KCNMA1: variants seen among roughly 807,000 people sequenced by gnomAD.
KCNMA1 encodes the protein potassium calcium-activated channel subfamily M alpha 1.
KCNMA1 carries 29 observed loss-of-function variants against 140.0 expected under a neutral mutation model. The observed-to-expected ratio is 0.21, with a 90% CI of 0.15 to 0.28. The LOEUF is 0.28. Among genes scored for constraint, KCNMA1 ranks in the 10% least tolerant of loss-of-function variants. The pLI is 1.00. For synonymous variants in KCNMA1, 612 were observed against 611.9 expected, an observed-to-expected ratio of 1.00 and a Z score of 0.00; for missense variants, 880 against 1,602.2, an observed-to-expected ratio of 0.55 and a Z score of 7.70.
intron 1 of KCNMA1, among the ~76,000 whole-genome samples, chr10:77,569,657 A>G (rs1261547390): frequency 1.3e-5 from 2 of 152,224 alleles, no homozygotes; most frequent in Admixed American, 1.3e-4. Context: ...AGGCATTACC[A>G]TTCAGGACAT....
At chr10:77,522,881 T>A (rs1004348487) in intron 1 of KCNMA1, among the ~76,000 whole-genome samples, 1 of 152,214 alleles carries the variant, frequency 6.6e-6, no homozygotes, top group Non-Finnish European at 1.5e-5. Flanking sequence ...GTAAGCTTCA[T>A]ACATTAAATA....
In KCNMA1 at chr10:77,376,948, A is replaced by AATAAATACATACATACATACATAC. The variant is rs139166652; in HGVS notation, c.540+26913_540+26914insGTATGTATGTATGTATGTATTTAT. Among the ~76,000 whole-genome samples, 6 of 148,430 alleles carry AATAAATACATACATACATACATAC rather than the reference A, an allele frequency of 4.0e-5. No homozygotes were observed. In the South Asian group the frequency reaches 6.6e-4, roughly 16 times the overall value. ...GCAAGATTCCCTCTCAAAATAAATA[A>AATAAATACATACATACATACATAC]ATACATACATACATACATACATACA... is the stretch of plus-strand genomic sequence containing the variant. On this transcript the variant is annotated intron_variant, in intron 2 of 27. Transcript: ENST00000286628.
chr10:77,470,824 G>A (rs1379206623), intron 1 of KCNMA1, among the ~76,000 whole-genome samples: 1 of 152,142 alleles, frequency 6.6e-6, no homozygotes, highest in Non-Finnish European at 1.5e-5. Context: ...CTAGGCATTT[G>A]TTTTGTCCAA....
intron 1 of KCNMA1, among the ~76,000 whole-genome samples, chr10:77,481,946 T>C (rs1428940956): frequency 2.0e-5 from 3 of 152,136 alleles, no homozygotes; most frequent in African/African-American, 4.8e-5. Flanking sequence ...AGACAGTGGG[T>C]GAGGAAACAT....
chr10:77,254,804 G>C (rs1176041897), intron 2 of KCNMA1, among the ~76,000 whole-genome samples: 8 of 152,186 alleles, frequency 5.3e-5, no homozygotes, highest in African/African-American at 1.4e-4. Flanking sequence ...ATAGTTTCAG[G>C]GACAAGGAGG....
intron 3 of KCNMA1, among the ~76,000 whole-genome samples, chr10:77,234,655 G>A (rs529178810): frequency 6.6e-6 from 1 of 152,306 alleles, no homozygotes; most frequent in South Asian, 2.1e-4. Context: ...CATGTCCTAT[G>A]TGCTGTATTA....
intron 1 of KCNMA1, among the ~76,000 whole-genome samples, chr10:77,461,019 T>G (rs1041507162): frequency 2.0e-5 from 3 of 152,002 alleles, no homozygotes; most frequent in Non-Finnish European, 4.4e-5. Flanking sequence ...GGCAGGAGAA[T>G]TACTTGAACA....
intron 5 of KCNMA1, among the ~76,000 whole-genome samples, chr10:77,126,147 A>T (rs1349977947): frequency 6.6e-6 from 1 of 152,116 alleles, no homozygotes; most frequent in Non-Finnish European, 1.5e-5. Context: ...TTATTCTATA[A>T]AATCTCTGAA....
intron 5 of KCNMA1, among the ~76,000 whole-genome samples, chr10:77,135,353 G>A (rs936959746): frequency 1.3e-5 from 2 of 152,178 alleles, no homozygotes; most frequent in Middle Eastern, 3.2e-3. Context: ...AAGTGTTGGT[G>A]AGGATGTGGG....
At chr10:77,364,664 T>C (rs547363299) in intron 2 of KCNMA1, among the ~76,000 whole-genome samples, 1 of 152,176 alleles carries the variant, frequency 6.6e-6, no homozygotes, top group South Asian at 2.1e-4. Flanking sequence ...GCTCATAACT[T>C]CTCACTTTTC....
At chr10:77,012,618 G>T in intron 17 of KCNMA1, 1 of 1,335,470 alleles carries the variant, frequency 7.5e-7, no homozygotes, top group Non-Finnish European at 1.0e-6. Context: ...ACCCCCTCTG[G>T]AGTTTCACAG....
intron 1 of KCNMA1, among the ~76,000 whole-genome samples, chr10:77,405,598 A>ATTCG (rs2096445569): frequency 7.3e-5 from 1 of 13,778 alleles, no homozygotes; most frequent in Non-Finnish European, 1.4e-4. Flanking sequence ...CTAAAACCTT[A>ATTCG]TTATTTATCT....
chr10:77,635,812 C>G (rs1442775456), intron 1 of KCNMA1: 1 of 152,542 alleles, frequency 6.6e-6, no homozygotes. Context: ...ATATTTCTCC[C>G]TTTGTTCCAA....
intron 3 of KCNMA1, among the ~76,000 whole-genome samples, chr10:77,222,003 G>GACC (rs1456511759): frequency 7.4e-6 from 1 of 134,386 alleles, no homozygotes; most frequent in Non-Finnish European, 1.7e-5. Context: ...GTAAAATGGT[G>GACC]ATCATAACTC....
chr10:77,613,970 G>A (rs111559257), intron 1 of KCNMA1, among the ~76,000 whole-genome samples: 1,715 of 152,308 alleles, frequency 0.011, 12 homozygotes, highest in Non-Finnish European at 0.018. Flanking sequence ...AGAGGCTTCA[G>A]GAGCCCTGTG....
intron 2 of KCNMA1, among the ~76,000 whole-genome samples, chr10:77,297,218 T>C (rs890200395): frequency 3.3e-5 from 5 of 152,164 alleles, no homozygotes; most frequent in Non-Finnish European, 5.9e-5. Context: ...TCCCACTGTC[T>C]CTTGTCCCAA....
chr10:77,047,655 G>A (rs955679068), intron 14 of KCNMA1, among the ~76,000 whole-genome samples: 2 of 143,902 alleles, frequency 1.4e-5, no homozygotes, highest in Non-Finnish European at 3.0e-5. Flanking sequence ...CTCCAATATA[G>A]AAAAGGTGTT....
intron 2 of KCNMA1, among the ~76,000 whole-genome samples, chr10:77,252,614 CCACACACA>C (rs537358065): frequency 1.4e-5 from 2 of 147,756 alleles, no homozygotes. Flanking sequence ...TTACACCCAC[CCACACACA>C]CACACACTCC....
rs535662890 is a variant in KCNMA1 at position 77,390,292 on chromosome 10, A to G, written c.540+13570T>C. Among the ~76,000 whole-genome samples the G allele has an allele frequency of 1.2e-4, 18 of 152,338 alleles. No individual in the cohort carries two copies. In the East Asian group the frequency reaches 3.1e-3, roughly 26 times the overall value. On this transcript the variant is annotated intron_variant, in intron 2 of 27. Coordinates refer to ENST00000286628, the MANE Select transcript of KCNMA1 (RefSeq NM_001161352.2). The stretch of plus-strand genomic sequence containing the variant: ...TGATTGCAGCTCCTCAGATAAAAGT[A>G]AGTGACTTGCCTCTCTTCTCCCATA...
Sources: gnomAD v4.1 joint callset for allele counts (sites outside exome capture counted in the v4.1 genomes callset) on GRCh38, gnomAD v4.1.1 for gene constraint, MANE v1.5 for transcripts, NCBI Gene and HGNC (gene_info 2026-07-23, HGNC 2026-07-21) for gene names.